Variants in POU6F2 observed in about 807,000 individuals in gnomAD.
The protein encoded by POU6F2 is POU domain, class 6, transcription factor 2.
Under a neutral mutation model 71.3 loss-of-function variants are expected in POU6F2, and 31 were observed. That is an observed-to-expected ratio of 0.43 (90% confidence interval 0.33 to 0.59). The LOEUF is 0.59. Among genes scored for constraint, POU6F2 ranks in the 20% least tolerant of loss-of-function variants. The pLI is 0.04. For synonymous variants in POU6F2, 347 were observed against 355.7 expected (o/e 0.98, Z 0.27); for missense variants, 783 against 856.8 (o/e 0.91, Z 1.07).
intron 2 of POU6F2, among the ~76,000 whole-genome samples, chr7:39,103,901 CAG>C (rs1250245494): frequency 2.0e-5 from 3 of 152,188 alleles, no homozygotes; most frequent in South Asian, 4.1e-4. Context: ...GACAAATATA[CAG>C]AGTGAAAAGA....
At position 39,464,217 on chromosome 7, in the gene POU6F2, A is replaced by C. The variant is rs994346939; in HGVS notation, c.1694A>C (p.Gln565Pro). The stretch of plus-strand genomic sequence containing the variant: ...CTGAGAAGCCACTTTTTCCTACCAC[A>C]GGAAGCCCAAGAGAACACTATAGCT... ...TILRSHFFLP[Q>P]EAQENTIASS... The change falls in exon 10 of 10, where the codon CAG becomes CCG. Residue 565 changes from glutamine (Q) to proline (P), a missense_variant. Gln to Pro is a moderately conservative substitution (Grantham distance 76). Transcript: ENST00000518318. This position sits in a 1 kb window ranked among gnomAD's most constrained non-coding sequence, Gnocchi z 4.1. 1 of 1,613,722 alleles carries C rather than the reference A, an allele frequency of 6.2e-7. No individual in the cohort carries two copies. Among genetic ancestry groups the C allele is most frequent in the East Asian group, 2.2e-5 (1 of 44,878 alleles).
chr7:39,179,169 G>T (rs1464693529), intron 2 of POU6F2, among the ~76,000 whole-genome samples: 1 of 152,138 alleles, frequency 6.6e-6, no homozygotes, highest in African/African-American at 2.4e-5. Flanking sequence ...ATATCAAGAC[G>T]ATTGTCTTAA....
intron 5 of POU6F2, among the ~76,000 whole-genome samples, chr7:39,400,971 AG>A (rs1787288977): frequency 6.6e-6 from 1 of 152,178 alleles, no homozygotes; most frequent in Non-Finnish European, 1.5e-5. Context: ...AAAGGGAAAC[AG>A]GGACTCTCTG....
Position 39,429,118 on chromosome 7 carries a change from TAAAA to T in POU6F2, c.1114-3949_1114-3946del, listed in dbSNP as rs60711102. Among the ~76,000 whole-genome samples, 15 of 148,892 alleles carry T rather than the reference TAAAA, an allele frequency of 1.0e-4. No individual in the cohort carries two copies. The South Asian group carries it at 3.0e-3, about 30-fold the overall frequency. The stretch of plus-strand genomic sequence containing the variant: ...CCTAGAACTTAAAGCATAATAATAA[TAAAA>T]AAAAAAAAACTCACTCATCGGAACC... On this transcript the variant is annotated intron_variant, in intron 6 of 9. Transcript: ENST00000518318.
At chr7:39,088,385 C>A (rs548126616) in intron 2 of POU6F2, among the ~76,000 whole-genome samples, 132 of 152,114 alleles carry the variant, frequency 8.7e-4, no homozygotes, top group Non-Finnish European at 1.7e-3. Flanking sequence ...TAAAACTTTC[C>A]AGAATAATTC....
At chr7:39,218,179 G>A (rs1584607730) in intron 4 of POU6F2, among the ~76,000 whole-genome samples, 1 of 152,054 alleles carries the variant, frequency 6.6e-6, no homozygotes, top group Admixed American at 6.6e-5. Context: ...TTCCAAGATG[G>A]CTGCCACTAG....
intron 2 of POU6F2, among the ~76,000 whole-genome samples, chr7:39,184,477 C>T (rs1170325461): frequency 2.0e-5 from 3 of 152,178 alleles, no homozygotes; most frequent in African/African-American, 7.2e-5. Flanking sequence ...CACATTTTTC[C>T]AGCTGAATTA....
rs528438602 is a variant in POU6F2, at chr7:39,301,870, A to G, written c.599-37772A>G. ...TTAATCACACAGACATACTTTGTTGACTTTCTGCCTAAATCCACATAATGG... is the reference window on the plus strand; with the variant it reads ...TTAATCACACAGACATACTTTGTTGGCTTTCTGCCTAAATCCACATAATGG... On this transcript the variant is annotated intron_variant, in intron 4 of 9. Coordinates refer to ENST00000518318, the MANE Select transcript of POU6F2 (RefSeq NM_001370959.1). Among the ~76,000 whole-genome samples the G allele has an allele frequency of 4.6e-5, 7 of 152,216 alleles. No individual in the cohort carries two copies. The East Asian group carries it at 1.4e-3, about 29-fold the overall frequency.
rs1423474508 is a variant in POU6F2, at chr7:39,012,809, TG to T, written c.105+34757del. On this transcript the variant is annotated intron_variant, in intron 1 of 9. Transcript: ENST00000518318. ...GTGTGAGGTGTCAGTGTGCCCCTGC[TG>T]GGGGGTGCCTCCCAGTTAGGCTGCT... is the stretch of plus-strand genomic sequence containing the variant. Among the ~76,000 whole-genome samples the T allele has an allele frequency of 6.9e-3, 1,046 of 151,424 alleles. 9 individuals are homozygous for T. Among genetic ancestry groups the T allele is most frequent in the African/African-American group, 0.024 (987 of 41,372 alleles).
intron 4 of POU6F2, among the ~76,000 whole-genome samples, chr7:39,335,928 C>T (rs916267911): frequency 2.0e-5 from 3 of 152,168 alleles, no homozygotes; most frequent in Admixed American, 6.5e-5. Context: ...CTCCCTGTGC[C>T]GGCATCCTGG....
intron 4 of POU6F2, among the ~76,000 whole-genome samples, chr7:39,235,955 A>G (rs552873628): frequency 4.6e-5 from 7 of 152,292 alleles, no homozygotes; most frequent in Non-Finnish European, 2.9e-5. Flanking sequence ...AACTCCTAAG[A>G]TATGATCATT....
intron 2 of POU6F2, among the ~76,000 whole-genome samples, chr7:39,168,965 A>G (rs139429389): frequency 2.0e-5 from 3 of 152,224 alleles, no homozygotes; most frequent in Admixed American, 6.5e-5. Context: ...CTGAAAATGC[A>G]GTGCCTTTCT....
intron 1 of POU6F2, among the ~76,000 whole-genome samples, chr7:39,013,814 C>G (rs554845565): frequency 2.6e-5 from 4 of 152,274 alleles, no homozygotes; most frequent in South Asian, 2.1e-4. Flanking sequence ...AATATGTCAT[C>G]TTTCCAACAT....
intron 5 of POU6F2, among the ~76,000 whole-genome samples, chr7:39,389,883 A>G (rs41402647): frequency 0.052 from 7,905 of 152,308 alleles, 253 homozygotes; most frequent in Non-Finnish European, 0.07. Context: ...ATATGGCCAC[A>G]AATGAACACA....
At chr7:39,061,226 T>A (rs1171175613) in intron 1 of POU6F2, among the ~76,000 whole-genome samples, 1 of 152,204 alleles carries the variant, frequency 6.6e-6, no homozygotes. Flanking sequence ...TGGTCTTATG[T>A]CTACTTCTTT....
chr7:39,439,476 T>G (rs2116062105), intron 7 of POU6F2, among the ~76,000 whole-genome samples: 1 of 152,246 alleles, frequency 6.6e-6, no homozygotes, highest in East Asian at 1.9e-4. Flanking sequence ...TATTTTGGTG[T>G]TTTTGGTTTT....
chr7:39,389,585 A>C (rs1429690996), intron 5 of POU6F2, among the ~76,000 whole-genome samples: 2 of 152,228 alleles, frequency 1.3e-5, no homozygotes, highest in African/African-American at 4.8e-5. Flanking sequence ...CTGTGGTTAC[A>C]GAAGCTAAGG....
chr7:39,057,249 G>C (rs1427156108), intron 1 of POU6F2, among the ~76,000 whole-genome samples: 2 of 151,886 alleles, frequency 1.3e-5, no homozygotes, highest in African/African-American at 2.4e-5. Flanking sequence ...TTTTAAAAAT[G>C]GTAACTGGGA....
At chr7:39,043,784 C>T (rs143686797) in intron 1 of POU6F2, among the ~76,000 whole-genome samples, 1 of 152,004 alleles carries the variant, frequency 6.6e-6, no homozygotes, top group Non-Finnish European at 1.5e-5. Context: ...TTGGTTTTAG[C>T]ATACTTATTT....
Sources: gnomAD v4.1 joint callset for allele counts (sites outside exome capture counted in the v4.1 genomes callset) on GRCh38, gnomAD v4.1.1 for gene constraint, Gnocchi (gnomAD v3.1) non-coding constraint, MANE v1.5 for transcripts, NCBI Gene and HGNC (gene_info 2026-07-23, HGNC 2026-07-21) for gene names.